The following DPYD variants were observed in gnomAD, a reference collection of about 807,000 sequenced individuals.
DPYD encodes the protein dihydropyrimidine dehydrogenase [NADP(+)].
Under a neutral mutation model 116.2 loss-of-function variants are expected in DPYD, and 109 were observed. The observed-to-expected ratio is 0.94, with a 90% CI of 0.80 to 1.10. DPYD has a LOEUF of 1.10. DPYD is among the 50% of genes least tolerant of loss of function. The pLI is 0.00. For missense variants in DPYD, 1,302 were observed against 1,254.5 expected, an observed-to-expected ratio of 1.04 and a Z score of -0.57; for synonymous variants, 440 against 432.0, an observed-to-expected ratio of 1.02 and a Z score of -0.23.
At chr1:97,607,713 T>C (rs186023714) in intron 8 of DPYD, among the ~76,000 whole-genome samples, 1 of 151,878 alleles carries the variant, frequency 6.6e-6, no homozygotes, top group Admixed American at 6.6e-5. Context: ...AGCGGCATGC[T>C]GGAAGTCAAA....
At chr1:97,485,305 A>C (rs1213194230) in intron 13 of DPYD, among the ~76,000 whole-genome samples, 13 of 152,214 alleles carry the variant, frequency 8.5e-5, no homozygotes, top group Admixed American at 8.5e-4. Context: ...GGGTTCAAGC[A>C]ATTTTCATGC....
At chr1:97,827,666 T>C (rs1669305903) in intron 3 of DPYD, among the ~76,000 whole-genome samples, 1 of 151,922 alleles carries the variant, frequency 6.6e-6, no homozygotes, top group Admixed American at 6.6e-5. Flanking sequence ...TGTAAATCAC[T>C]AAAAATACTA....
At chr1:97,832,004 C>G (rs933877205) in intron 2 of DPYD, among the ~76,000 whole-genome samples, 1 of 149,904 alleles carries the variant, frequency 6.7e-6, no homozygotes, top group East Asian at 2.0e-4. Context: ...CAATTTGTAT[C>G]AGCAACCATG....
intron 10 of DPYD, among the ~76,000 whole-genome samples, chr1:97,577,315 G>C (rs1214027542): frequency 6.6e-6 from 1 of 152,072 alleles, no homozygotes; most frequent in African/African-American, 2.4e-5. Context: ...CCTATGAAAC[G>C]AGTAGATGCA....
intron 8 of DPYD, among the ~76,000 whole-genome samples, chr1:97,596,449 C>G (rs1571028451): frequency 6.6e-6 from 1 of 152,114 alleles, no homozygotes; most frequent in South Asian, 2.1e-4. Flanking sequence ...AAATTTTTTC[C>G]AAAGTGTAAA....
At chr1:97,436,938 A>T (rs1341288164) in intron 14 of DPYD, among the ~76,000 whole-genome samples, 1 of 151,874 alleles carries the variant, frequency 6.6e-6, no homozygotes, top group Non-Finnish European at 1.5e-5. Context: ...TTCCAGGAAA[A>T]GGGCTATAAT....
At chr1:97,789,571 T>A (rs188779363) in intron 3 of DPYD, among the ~76,000 whole-genome samples, 284 of 152,316 alleles carry the variant, frequency 1.9e-3, no homozygotes, top group Non-Finnish European at 3.1e-3. Flanking sequence ...ATAAGTCATA[T>A]TATTTATTGT....
At chr1:97,688,621 C>A (rs1660860404) in intron 7 of DPYD, among the ~76,000 whole-genome samples, 1 of 151,822 alleles carries the variant, frequency 6.6e-6, no homozygotes, top group African/African-American at 2.4e-5. Flanking sequence ...TTTTATAAGG[C>A]TAATATAACT....
At chr1:97,886,231 C>T (rs1257411761) in intron 1 of DPYD, among the ~76,000 whole-genome samples, 4 of 152,184 alleles carry the variant, frequency 2.6e-5, no homozygotes, top group South Asian at 2.1e-4. Flanking sequence ...ACACAGAGCT[C>T]GCTCTACCCC....
At chr1:97,486,921 T>A (rs1678672014) in intron 13 of DPYD, among the ~76,000 whole-genome samples, 1 of 151,818 alleles carries the variant, frequency 6.6e-6, no homozygotes, top group African/African-American at 2.4e-5. Context: ...ATAGCATTAT[T>A]AAAATAGCAA....
In DPYD at chr1:97,679,183, C is replaced by A; in HGVS notation, c.763-1G>T. ...CTGAAAGGCTTTTACCGCAAATTAT[C>A]TATAAGAAACAATATTTTGCATAAG... On this transcript the variant is annotated splice_acceptor_variant, in intron 7 of 22. Coordinates refer to ENST00000370192, the MANE Select transcript of DPYD (RefSeq NM_000110.4). LOFTEE classifies it high-confidence loss of function. The A allele has an allele frequency of 6.6e-7, 1 of 1,514,002 alleles. No homozygotes were observed. Among genetic ancestry groups the A allele is most frequent in the Non-Finnish European group, 9.1e-7 (1 of 1,103,344 alleles). The allele number at this position is 1,514,002 out of a possible 1,614,324, so 93.8% of individuals were successfully genotyped here.
intron 2 of DPYD, among the ~76,000 whole-genome samples, chr1:97,874,031 T>C (rs2101622505): frequency 6.6e-6 from 1 of 152,070 alleles, no homozygotes; most frequent in Admixed American, 6.6e-5. Context: ...TGAAGTAATA[T>C]TTGCTTCATA....
intron 2 of DPYD, among the ~76,000 whole-genome samples, chr1:97,878,572 A>C (rs953321028): frequency 1.2e-4 from 18 of 152,020 alleles, no homozygotes; most frequent in African/African-American, 3.9e-4. Context: ...TCAACTCCCA[A>C]ATCATATGTG....
chr1:97,835,263 T>C (rs1669713058), intron 2 of DPYD, among the ~76,000 whole-genome samples: 1 of 152,100 alleles, frequency 6.6e-6, no homozygotes, highest in Non-Finnish European at 1.5e-5. Flanking sequence ...CTGCAAATAG[T>C]CCTTCATAAA....
At chr1:97,610,403 C>G (rs1655865320) in intron 8 of DPYD, among the ~76,000 whole-genome samples, 1 of 152,004 alleles carries the variant, frequency 6.6e-6, no homozygotes, top group South Asian at 2.1e-4. Context: ...ATCTCCTGAC[C>G]AAGAATAAAA....
intron 3 of DPYD, among the ~76,000 whole-genome samples, chr1:97,777,940 C>G (rs140732171): frequency 6.6e-6 from 1 of 151,700 alleles, no homozygotes; most frequent in Non-Finnish European, 1.5e-5. Context: ...GGCAGATCAC[C>G]TGAGGTCAGG....
At chr1:97,830,122 C>T (rs1363570959) in intron 2 of DPYD, among the ~76,000 whole-genome samples, 2 of 152,070 alleles carry the variant, frequency 1.3e-5, no homozygotes, top group African/African-American at 4.8e-5. Flanking sequence ...TGTATATGGG[C>T]CACATTTTCT....
chr1:97,382,465 T>TA lies in DPYD; in HGVS notation c.1906-5dup. ...ACATAATGCTAGCAATCACAATCTT[T>TA]AAAAAGAAAAACAAAAGAATATAAG... is the stretch of plus-strand genomic sequence containing the variant. On this transcript the variant is annotated splice_polypyrimidine_tract_variant and splice_region_variant and intron_variant, in intron 14 of 22. Transcript: ENST00000370192. 2 of 1,573,458 alleles carry TA rather than the reference T, an allele frequency of 1.3e-6. No homozygotes were observed. The highest frequency in any genetic ancestry group is 8.6e-7 in the Non-Finnish European group (1 of 1,158,740).
chr1:97,773,459 G>T (rs75825526), intron 3 of DPYD, among the ~76,000 whole-genome samples: 2 of 152,160 alleles, frequency 1.3e-5, no homozygotes, highest in African/African-American at 4.8e-5. Context: ...TGTGGCCCAC[G>T]GACCTAAGTG....
Sources: allele counts gnomAD v4.1 joint callset (sites outside exome capture counted in the v4.1 genomes callset), GRCh38; gene constraint gnomAD v4.1.1; transcripts MANE v1.5; gene names NCBI Gene and HGNC (gene_info 2026-07-23, HGNC 2026-07-21).